The following CRTAP variants were observed in gnomAD, a reference collection of about 807,000 sequenced individuals.
The protein encoded by CRTAP is cartilage associated protein.
CRTAP carries 33 observed loss-of-function variants against 42.7 expected under a neutral mutation model. The ratio of observed to expected loss-of-function variants is 0.77; its 90% CI spans 0.59 to 1.03. The LOEUF (loss-of-function observed/expected upper bound fraction) is 1.03, where lower values mean the gene tolerates loss of function less well. CRTAP is among the 50% of genes least tolerant of loss of function. The pLI, the probability that CRTAP is intolerant of heterozygous loss-of-function variation, is 0.00. For missense variants in CRTAP, 613 were observed against 533.9 expected (o/e 1.15, Z -1.46); for synonymous variants, 243 against 217.7 (o/e 1.12, Z -1.02).
chr3:33,139,461 T>A (rs1189465851), intron 6 of CRTAP, among the ~76,000 whole-genome samples: 3 of 151,992 alleles, frequency 2.0e-5, no homozygotes, highest in Admixed American at 1.3e-4. Context: ...GAAGTTCTAT[T>A]TTTAATTCGT....
chr3:33,141,137 A>G (rs2030559577), intron 6 of CRTAP, among the ~76,000 whole-genome samples: 1 of 152,202 alleles, frequency 6.6e-6, no homozygotes, highest in Admixed American at 6.5e-5. Context: ...TGAGGCCCCA[A>G]CAGTATTCAC....
chr3:33,141,855 G>T (rs1445339151), intron 6 of CRTAP, among the ~76,000 whole-genome samples: 1 of 152,228 alleles, frequency 6.6e-6, no homozygotes, highest in Non-Finnish European at 1.5e-5. Flanking sequence ...CTATCCCTGT[G>T]TGTCTCTCCT....
chr3:33,127,689 C>T (rs1284883979), intron 3 of CRTAP, among the ~76,000 whole-genome samples: 1 of 151,932 alleles, frequency 6.6e-6, no homozygotes, highest in Non-Finnish European at 1.5e-5. Flanking sequence ...CTCAGGTGAT[C>T]CACCCACCTC....
In CRTAP at chr3:33,118,943, G is replaced by A. The variant is rs61610046; in HGVS notation, c.472-1401G>A. Among the ~76,000 whole-genome samples the A allele has an allele frequency of 7.9e-3, 1,200 of 152,322 alleles. 12 individuals carry two copies. Among genetic ancestry groups the A allele is most frequent in the African/African-American group, 0.028 (1,146 of 41,578 alleles). On this transcript the variant is annotated intron_variant, in intron 1 of 6. Coordinates refer to ENST00000320954, the MANE Select transcript of CRTAP (RefSeq NM_006371.5). ...GCCCTGCTGCTCTCACAGATCCCAA[G>A]GGAAACTTTTTTCCTAGCCTGGGAG... is the stretch of plus-strand genomic sequence containing the variant.
In CRTAP at chr3:33,142,529, G is replaced by GGGAA; in HGVS notation, c.*81_*82insGGAA. On this transcript the variant is annotated 3_prime_UTR_variant, in exon 7 of 7. Coordinates refer to ENST00000320954, the MANE Select transcript of CRTAP (RefSeq NM_006371.5). Reference sequence around the variant, plus strand: ...CCTTTTCCCAACAGCCCAGGCTGTTGATACCTCAGAGCCTTCTCTTTACTC... The same window carrying GGGAA: ...CCTTTTCCCAACAGCCCAGGCTGTTGGGAAATACCTCAGAGCCTTCTCTTTACTC... 7.4e-7 allele frequency: 1 copy of GGGAA among 1,342,894 alleles called. No homozygotes were observed. The highest frequency in any genetic ancestry group is 1.1e-6 in the Non-Finnish European group (1 of 934,410). The allele number at this position is 1,342,894 out of a possible 1,614,324, so 83.2% of individuals were successfully genotyped here. A position where few individuals can be genotyped will look rare whatever the true frequency, so the allele number is the denominator to read the frequency against.
Position 33,134,263 on chromosome 3 carries a change from G to A in CRTAP, c.1150G>A (p.Glu384Lys). ...FAKENIMDDD[E>K]GEVVEYVDDL... is the part of the protein sequence containing the mutation. Reference sequence around the variant, plus strand: ...TAAGGAAAATATAATGGATGATGATGAGGTAAGTTTTCATGCTTAGCACAT... The same window carrying A: ...TAAGGAAAATATAATGGATGATGATAAGGTAAGTTTTCATGCTTAGCACAT... The change falls in exon 6 of 7, where the codon GAG (glutamate) becomes AAG (lysine). Residue 384 changes from glutamate (E) to lysine (K), a missense_variant and splice_region_variant. Glu to Lys is a moderately conservative substitution (Grantham distance 56). Coordinates refer to ENST00000320954, the MANE Select transcript of CRTAP (RefSeq NM_006371.5). The A allele has an allele frequency of 6.3e-7, 1 of 1,593,504 alleles. No homozygotes were observed. The highest frequency in any genetic ancestry group is 2.2e-5 in the East Asian group (1 of 44,762).
intron 6 of CRTAP, among the ~76,000 whole-genome samples, chr3:33,139,093 G>A (rs536737867): frequency 7.9e-5 from 12 of 151,404 alleles, no homozygotes; most frequent in African/African-American, 2.7e-4. Context: ...GCAGTGAGCC[G>A]AGATCACACC....
rs761073068 is a variant in CRTAP, at chr3:33,114,406, G to A, written c.329G>A (p.Gly110Glu). The A allele has an allele frequency of 6.5e-7, 1 of 1,541,594 alleles. No individual in the cohort carries two copies. The highest frequency in any genetic ancestry group is 8.7e-7 in the Non-Finnish European group (1 of 1,148,836). Residue 110 changes from glycine to glutamate, a missense_variant, in exon 1 of 7, where the codon GGG (glycine) becomes GAG (glutamate). Physicochemically the swap from Gly to Glu is moderately conservative, Grantham distance 98. Coordinates refer to ENST00000320954, the MANE Select transcript of CRTAP (RefSeq NM_006371.5). ...LASYPELRLF[G>E]GLLRRAHCLK... ...AGCTATCCCGAGCTGCGCCTCTTCG[G>A]GGGCCTGCTGCGCCGCGCGCACTGC...
rs572086683 is a variant in CRTAP, at chr3:33,124,430, G to A, written c.644G>A (p.Arg215Gln). 9.3e-6 allele frequency: 15 copies of A among 1,614,132 alleles called. No homozygotes were observed. The East Asian group carries it at 1.8e-4, about 19-fold the overall frequency. ...CAGAGCCTGTTCATCCGAGCAGTGCGGGCATACAACGGTGAGAACTGGAGA... is the reference window on the plus strand; with the variant it reads ...CAGAGCCTGTTCATCCGAGCAGTGCAGGCATACAACGGTGAGAACTGGAGA... ...SYESLFIRAV[R>Q]AYNGENWRTS... is the part of the protein sequence containing the mutation. Residue 215 changes from arginine (R) to glutamine (Q), a missense_variant, in exon 3 of 7, where the codon CGG becomes CAG. Transcript: ENST00000320954.
At chr3:33,128,015 T>G (rs1323974406) in intron 3 of CRTAP, among the ~76,000 whole-genome samples, 2 of 152,228 alleles carry the variant, frequency 1.3e-5, no homozygotes, top group African/African-American at 2.4e-5. Flanking sequence ...CCCAAAGTGC[T>G]GGGATTATAG....
In CRTAP at chr3:33,142,893, A is replaced by AT. The variant is rs1211924814; in HGVS notation, c.*446dup. The AT allele has an allele frequency of 4.9e-6, 1 of 204,274 alleles. No individual in the cohort carries two copies. Among genetic ancestry groups the AT allele is most frequent in the African/African-American group, 2.3e-5 (1 of 43,606 alleles). The allele number at this position is 204,274 out of a possible 1,614,324, so 12.7% of individuals were successfully genotyped here. The stretch of plus-strand genomic sequence containing the variant: ...GGTCTCGAACTCTTGACTTCAGATG[A>AT]TCCATCTGCCTTGGCCTCCCACAGT... On this transcript the variant is annotated 3_prime_UTR_variant, in exon 7 of 7. Coordinates refer to ENST00000320954, the MANE Select transcript of CRTAP (RefSeq NM_006371.5).
chr3:33,140,089 T>G (rs974348007), intron 6 of CRTAP, among the ~76,000 whole-genome samples: 2 of 152,224 alleles, frequency 1.3e-5, no homozygotes, highest in East Asian at 3.8e-4. Flanking sequence ...TTTTCAAGAC[T>G]TCTGATGTAC....
intron 5 of CRTAP, among the ~76,000 whole-genome samples, chr3:33,133,648 A>C (rs1000892185): frequency 1.5e-5 from 2 of 130,264 alleles, no homozygotes; most frequent in East Asian, 2.5e-4. Context: ...ATATTTACAT[A>C]GTTTTACAAC....
chr3:33,127,811 A>G (rs1242182083), intron 3 of CRTAP, among the ~76,000 whole-genome samples: 1 of 151,084 alleles, frequency 6.6e-6, no homozygotes, highest in African/African-American at 2.4e-5. Context: ...CAGTGGTGCG[A>G]TCTTGGCTCA....
intron 6 of CRTAP, among the ~76,000 whole-genome samples, chr3:33,138,465 T>TA (rs1490734610): frequency 6.6e-6 from 1 of 152,208 alleles, no homozygotes; most frequent in Admixed American, 6.5e-5. Context: ...TATTCTTTTT[T>TA]AAAAAATTAA....
At position 33,142,803 on chromosome 3, in the gene CRTAP, T is replaced by C; in HGVS notation, c.*355T>C. ...CCGAGTACCTGGGATTACAGGCATG[T>C]GCCACCACGCCCGGCTAATTTTGTA... On this transcript the variant is annotated 3_prime_UTR_variant, in exon 7 of 7. Transcript: ENST00000320954. 2 of 248,260 alleles carry C rather than the reference T, an allele frequency of 8.1e-6. No individual in the cohort carries two copies. Among genetic ancestry groups the C allele is most frequent in the Non-Finnish European group, 1.6e-5 (2 of 124,720 alleles). The allele number at this position is 248,260 out of a possible 1,614,324, so 15.4% of individuals were successfully genotyped here. A position where few individuals can be genotyped will look rare whatever the true frequency, so the allele number is the denominator to read the frequency against.
chr3:33,125,650 C>G (rs2030043803), intron 3 of CRTAP, among the ~76,000 whole-genome samples: 1 of 151,988 alleles, frequency 6.6e-6, no homozygotes, highest in South Asian at 2.1e-4. Context: ...TCCTCTAATT[C>G]CCACCTACTT....
At chr3:33,124,332 G>T in intron 2 of CRTAP, 76 bp from the exon 3 acceptor site, 6 of 1,578,136 alleles carry the variant, frequency 3.8e-6, no homozygotes, top group Admixed American at 1.7e-5. Flanking sequence ...TGGTGGTCTT[G>T]GTTCCCTTTG....
At position 33,145,162 on chromosome 3, in the gene CRTAP, G is replaced by A. The variant is rs1262652277; in HGVS notation, c.*2714G>A. On this transcript the variant is annotated 3_prime_UTR_variant, in exon 7 of 7. Transcript: ENST00000320954. This position sits in a 1 kb window ranked among gnomAD's most constrained non-coding sequence, Gnocchi z 4.3. ...GGCACATCCTTCTGTTTCTCCTTCAGCTCTATCCTGCTTTCCTCATCCCTT... is the reference window on the plus strand; with the variant it reads ...GGCACATCCTTCTGTTTCTCCTTCAACTCTATCCTGCTTTCCTCATCCCTT... 5 of 152,490 alleles carry A rather than the reference G, an allele frequency of 3.3e-5. No individual in the cohort carries two copies. The highest frequency in any genetic ancestry group is 1.2e-4 in the African/African-American group (5 of 41,450). The allele number at this position is 152,490 out of a possible 1,614,324, so 9.4% of individuals were successfully genotyped here.
Sources: gnomAD v4.1 joint callset for allele counts (sites outside exome capture counted in the v4.1 genomes callset) on GRCh38, gnomAD v4.1.1 for gene constraint, Gnocchi (gnomAD v3.1) non-coding constraint, MANE v1.5 for transcripts, NCBI Gene and HGNC (gene_info 2026-07-23, HGNC 2026-07-21) for gene names.